PIKFYVE: variants seen among roughly 807,000 people sequenced by gnomAD.
The protein encoded by PIKFYVE is 1-phosphatidylinositol 3-phosphate 5-kinase.
In PIKFYVE, 122 loss-of-function variants were observed where a neutral mutation model predicts 257.9. That is an observed-to-expected ratio of 0.47 (90% CI 0.41 to 0.55). PIKFYVE has a LOEUF of 0.55. PIKFYVE is among the 20% of genes least tolerant of loss of function. The pLI is 0.00. For synonymous variants in PIKFYVE, 892 were observed against 868.9 expected, an observed-to-expected ratio of 1.03 and a Z score of -0.47; for missense variants, 2,160 against 2,536.6, an observed-to-expected ratio of 0.85 and a Z score of 3.19.
rs1314249456 is a variant in PIKFYVE, at chr2:208,326,009, T to C, written c.3198T>C (p.Phe1066=). The change falls in exon 20 of 42, where the codon TTT becomes TTC. Residue 1066 remains phenylalanine (F), a synonymous_variant. Transcript: ENST00000264380. ...CAGTAATCACATTCCGAGAACCCTT[T>C]CTTTTAACTGAAAAGGGGATGAGAT... ...ISPVITFREP[F]LLTEKGMRCS... 6.2e-7 allele frequency: 1 copy of C among 1,614,204 alleles called. No homozygotes were observed. Among genetic ancestry groups the C allele is most frequent in the Non-Finnish European group, 8.5e-7 (1 of 1,180,030 alleles).
intron 15 of PIKFYVE, among the ~76,000 whole-genome samples, chr2:208,316,771 G>A (rs1308883279): frequency 6.6e-6 from 1 of 152,126 alleles, no homozygotes. Flanking sequence ...CGTGGTACTG[G>A]TACCAAAATA....
intron 7 of PIKFYVE, among the ~76,000 whole-genome samples, chr2:208,293,037 A>G (rs1692509179): frequency 8.4e-6 from 1 of 119,512 alleles, no homozygotes; most frequent in African/African-American, 3.1e-5. Context: ...TGAGCATTTT[A>G]TGTTATTCCA....
At chr2:208,315,105 T>G in intron 14 of PIKFYVE, 88 bp from the exon 15 acceptor site, 1 of 1,201,574 alleles carries the variant, frequency 8.3e-7, no homozygotes, top group South Asian at 1.3e-5. Context: ...AAATGTTTAT[T>G]TCTTTGTAGG....
At chr2:208,284,248 T>C (rs1425683253) in intron 5 of PIKFYVE, among the ~76,000 whole-genome samples, 2 of 151,530 alleles carry the variant, frequency 1.3e-5, no homozygotes, top group Non-Finnish European at 2.9e-5. Context: ...CTCAAGAATA[T>C]TTCATTTCTA....
chr2:208,267,123 T>G (rs897270978), intron 1 of PIKFYVE, among the ~76,000 whole-genome samples: 2 of 152,246 alleles, frequency 1.3e-5, no homozygotes, highest in African/African-American at 4.8e-5. Context: ...GTATCTGATG[T>G]GTATACATGA....
rs896897284 is a variant in PIKFYVE, at chr2:208,285,744, C to A, written c.632C>A (p.Thr211Lys). 6.2e-7 allele frequency: 1 copy of A among 1,613,902 alleles called. No homozygotes were observed. Among genetic ancestry groups the A allele is most frequent in the South Asian group, 1.1e-5 (1 of 91,076 alleles). The change falls in exon 6 of 42, where the codon ACA becomes AAA. Residue 211 changes from threonine to lysine, a missense_variant. Coordinates refer to ENST00000264380, the MANE Select transcript of PIKFYVE (RefSeq NM_015040.4). Reference protein sequence around the residue: ...MGYTGDLRACTYCRKIALSYA... With the variant: ...MGYTGDLRACKYCRKIALSYA... ...CTCCTAGGAGACCTCCGAGCTTGCA[C>A]ATATTGTAGAAAAATAGCCTTAAGT...
chr2:208,294,410 C>T (rs778000388), intron 7 of PIKFYVE, among the ~76,000 whole-genome samples: 2 of 152,100 alleles, frequency 1.3e-5, no homozygotes, highest in African/African-American at 2.4e-5. Context: ...GAGCCTGTTT[C>T]GGATGCTTGT....
intron 5 of PIKFYVE, among the ~76,000 whole-genome samples, chr2:208,279,295 A>G (rs939732283): frequency 6.6e-6 from 1 of 152,140 alleles, no homozygotes; most frequent in Admixed American, 6.6e-5. Context: ...TATTGTGGAT[A>G]TTAGATCTTT....
intron 35 of PIKFYVE, 55 bp downstream of exon 35, chr2:208,348,078 G>A (rs755648425): frequency 1.3e-6 from 2 of 1,587,650 alleles, no homozygotes; most frequent in Non-Finnish European, 1.7e-6. Context: ...ATTTATTTTA[G>A]TTGCATATAT....
intron 13 of PIKFYVE, among the ~76,000 whole-genome samples, chr2:208,312,721 T>C (rs984495974): frequency 6.6e-6 from 1 of 152,198 alleles, no homozygotes; most frequent in Non-Finnish European, 1.5e-5. Context: ...AAGCAGGCAG[T>C]AGAGGTTAAA....
At chr2:208,281,368 T>C (rs1690783538) in intron 5 of PIKFYVE, among the ~76,000 whole-genome samples, 1 of 152,232 alleles carries the variant, frequency 6.6e-6, no homozygotes, top group Admixed American at 6.5e-5. Flanking sequence ...TGGGCCCATG[T>C]CAGTAAATTC....
chr2:208,323,395 A>G (rs1696535223), intron 17 of PIKFYVE, among the ~76,000 whole-genome samples: 1 of 150,050 alleles, frequency 6.7e-6, no homozygotes, highest in Non-Finnish European at 1.5e-5. Context: ...TTTACTGAGA[A>G]TGATGATTTA....
rs565451332 is a variant in PIKFYVE, at chr2:208,304,353, G to A, written c.1468+35G>A. 504 of 1,599,974 alleles carry A rather than the reference G, an allele frequency of 3.2e-4. 6 individuals are homozygous for A. The South Asian group carries it at 5.0e-3, about 16-fold the overall frequency. On this transcript the variant is annotated intron_variant, in intron 11 of 41. Transcript: ENST00000264380. ...ACTTTCTAACATTTTAGTTTTGATG[G>A]GTCATTGCTGTGTATGTATGATAAA... is the stretch of plus-strand genomic sequence containing the variant.
intron 7 of PIKFYVE, among the ~76,000 whole-genome samples, chr2:208,291,396 G>C (rs1173365447): frequency 6.6e-6 from 1 of 152,028 alleles, no homozygotes; most frequent in Admixed American, 6.5e-5. Flanking sequence ...GATTGGATTT[G>C]TTACTGTTTT....
intron 19 of PIKFYVE, 99 bp from the exon 20 acceptor site, chr2:208,325,171 G>A (rs897357647): frequency 4.2e-5 from 66 of 1,566,132 alleles, no homozygotes; most frequent in Admixed American, 1.7e-4. Context: ...TCATGTAAGA[G>A]TTTTTCTTTT....
rs1689699281 is a variant in PIKFYVE, at chr2:208,273,499, A to G, written c.173-85A>G. The G allele has an allele frequency of 5.2e-6, 8 of 1,543,884 alleles. No individual in the cohort carries two copies. The East Asian group carries it at 1.1e-4, about 22-fold the overall frequency. On this transcript the variant is annotated intron_variant, in intron 2 of 41. Coordinates refer to ENST00000264380, the MANE Select transcript of PIKFYVE (RefSeq NM_015040.4). ...AGTTACGCATATAATACATGCATAC[A>G]TTGTTGCCTGAAAATTTTCATCTAC...
intron 15 of PIKFYVE, among the ~76,000 whole-genome samples, chr2:208,317,357 C>T (rs1695651552): frequency 1.3e-5 from 2 of 151,968 alleles, no homozygotes; most frequent in Non-Finnish European, 2.9e-5. Flanking sequence ...GACATTTATG[C>T]AGCCAAAAGA....
Position 208,325,529 on chromosome 2 carries a change from C to T in PIKFYVE, c.2718C>T (p.Tyr906=), listed in dbSNP as rs61752187. The T allele has an allele frequency of 1.0e-3, 1,609 of 1,614,124 alleles. 4 individuals are homozygous for T. Among genetic ancestry groups the T allele is most frequent in the Middle Eastern group, 2.3e-3 (14 of 6,062 alleles). ...RGHEGAVQEQ[Y]GGGSIPWDPD... ...ATGAGGGGGCTGTCCAAGAGCAGTA[C>T]GGTGGAGGTTCCATCCCCTGGGATC... Residue 906 remains tyrosine (Y), a synonymous_variant, in exon 20 of 42, where the codon TAC becomes TAT. Coordinates refer to ENST00000264380, the MANE Select transcript of PIKFYVE (RefSeq NM_015040.4).
intron 4 of PIKFYVE, 111 bp downstream of exon 4, chr2:208,276,941 C>T: frequency 2.4e-6 from 2 of 816,854 alleles, no homozygotes; most frequent in African/African-American, 1.7e-5. Context: ...AGCGCTTCCT[C>T]CAGCTGTGAG....
Sources: allele counts gnomAD v4.1 joint callset (sites outside exome capture counted in the v4.1 genomes callset), GRCh38; gene constraint gnomAD v4.1.1; transcripts MANE v1.5; gene names NCBI Gene and HGNC (gene_info 2026-07-23, HGNC 2026-07-21).